EPN2: variants seen among roughly 807,000 people sequenced by gnomAD.
EPN2 encodes the protein epsin-2.
In EPN2, 34 loss-of-function variants were observed where a neutral mutation model predicts 61.7. The observed-to-expected ratio is 0.55, with a 90% CI of 0.42 to 0.73. The LOEUF (loss-of-function observed/expected upper bound fraction) is 0.73, where lower values mean the gene tolerates loss of function less well. Ranked by LOEUF, EPN2 falls within the 30% of genes least tolerant of loss-of-function variation. The pLI, the probability that EPN2 is intolerant of heterozygous loss-of-function variation, is 0.00. For missense variants in EPN2, 714 were observed against 839.2 expected (o/e 0.85, Z 1.84); for synonymous variants, 349 against 353.6 (o/e 0.99, Z 0.15).
chr17:19,330,932 A>AT (rs1907129881), intron 9 of EPN2, among the ~76,000 whole-genome samples: 2 of 152,088 alleles, frequency 1.3e-5, no homozygotes, highest in African/African-American at 4.8e-5. Flanking sequence ...AGCCCAGGAG[A>AT]TTGAGACTGC....
At chr17:19,251,029 C>T (rs1367261746) in intron 1 of EPN2, among the ~76,000 whole-genome samples, 3 of 152,028 alleles carry the variant, frequency 2.0e-5, no homozygotes, top group African/African-American at 7.3e-5. Context: ...GTCTCTTGTC[C>T]CCTCCTTTTC....
chr17:19,311,971 C>A, intron 5 of EPN2, 81 bp from the exon 6 acceptor site: 1 of 881,668 alleles, frequency 1.1e-6, no homozygotes. Flanking sequence ...ATACAATGTG[C>A]ATTTCCTGTT....
intron 7 of EPN2, among the ~76,000 whole-genome samples, chr17:19,327,331 G>A (rs1182904328): frequency 6.6e-6 from 1 of 152,092 alleles, no homozygotes; most frequent in Non-Finnish European, 1.5e-5. Context: ...AGTGAACAAA[G>A]CCAGCCACAA....
At position 19,256,259 on chromosome 17, in the gene EPN2, T is replaced by C. The variant is rs1266152285; in HGVS notation, c.-294+18728T>C. Among the ~76,000 whole-genome samples the C allele has an allele frequency of 5.3e-5, 8 of 151,750 alleles. No homozygotes were observed. The East Asian group carries it at 1.6e-3, about 29-fold the overall frequency. On this transcript the variant is annotated intron_variant, in intron 1 of 10. Transcript: ENST00000314728. Reference sequence around the variant, plus strand: ...GCCCCAGTCCTTCCTGTTGTAATTGTTCTGGGATGGGGCCTGAGCAAAAAT... The same window carrying C: ...GCCCCAGTCCTTCCTGTTGTAATTGCTCTGGGATGGGGCCTGAGCAAAAAT...
chr17:19,249,615 C>G (rs1047947744), intron 1 of EPN2: 9 of 152,380 alleles, frequency 5.9e-5, no homozygotes, highest in African/African-American at 2.2e-4. Context: ...TAGTCCTTGC[C>G]CTTGACTCTG....
At chr17:19,304,332 G>A (rs1201992497) in intron 4 of EPN2, among the ~76,000 whole-genome samples, 1 of 152,138 alleles carries the variant, frequency 6.6e-6, no homozygotes, top group African/African-American at 2.4e-5. Context: ...CATTGAGGAA[G>A]CGTTTCACTG....
At chr17:19,290,641 G>T (rs745425098) in intron 4 of EPN2, among the ~76,000 whole-genome samples, 35 of 130,774 alleles carry the variant, frequency 2.7e-4, no homozygotes, top group Non-Finnish European at 5.1e-4. Flanking sequence ...AGCAAGTCCC[G>T]AGTTGCCTGG....
At chr17:19,333,859 A>G in intron 10 of EPN2, 97 bp from the exon 11 acceptor site, 1 of 1,047,498 alleles carries the variant, frequency 9.5e-7, no homozygotes, top group Non-Finnish European at 1.3e-6. Context: ...CTGAGGGCAC[A>G]GCAGGGACCA....
rs367585211 is a variant in EPN2 at position 19,318,681 on chromosome 17, C to A, written c.1147+5402C>A. ...TTGTTTGTTATTTTAATAGCAGATTCTAAAGGGGAAGCAGGGCCCATAAGA... is the reference window on the plus strand; with the variant it reads ...TTGTTTGTTATTTTAATAGCAGATTATAAAGGGGAAGCAGGGCCCATAAGA... On this transcript the variant is annotated intron_variant, in intron 7 of 10. Coordinates refer to ENST00000314728, the MANE Select transcript of EPN2 (RefSeq NM_014964.5). 1.9e-4 allele frequency among the ~76,000 whole-genome samples: 28 copies of A among 151,002 alleles called. 1 individual carries two copies. Among genetic ancestry groups the A allele is most frequent in the East Asian group, 1.2e-3 (6 of 5,140 alleles).
chr17:19,305,576 A>G (rs182577664), intron 4 of EPN2, among the ~76,000 whole-genome samples: 4 of 152,282 alleles, frequency 2.6e-5, no homozygotes, highest in Admixed American at 2.0e-4. Flanking sequence ...ATAAGAATCA[A>G]TTTCCTGTTT....
At chr17:19,244,315 C>T (rs1203982615) in intron 1 of EPN2, among the ~76,000 whole-genome samples, 1 of 152,080 alleles carries the variant, frequency 6.6e-6, no homozygotes, top group Non-Finnish European at 1.5e-5. Flanking sequence ...AAAAATGAGC[C>T]AGGTGTGGTG....
In EPN2 at chr17:19,335,598, A is replaced by T; in HGVS notation, c.*1344A>T. On this transcript the variant is annotated 3_prime_UTR_variant, in exon 11 of 11. Coordinates refer to ENST00000314728, the MANE Select transcript of EPN2 (RefSeq NM_014964.5). Reference sequence around the variant, plus strand: ...CTGTGCCCACGGGTCCCTGGGCAACAGTCCCTAGGCTAAGACAGGGGTGGG... The same window carrying T: ...CTGTGCCCACGGGTCCCTGGGCAACTGTCCCTAGGCTAAGACAGGGGTGGG... 2 of 861,194 alleles carry T rather than the reference A, an allele frequency of 2.3e-6. No individual in the cohort carries two copies. The highest frequency in any genetic ancestry group is 3.4e-6 in the Non-Finnish European group (2 of 582,304). The allele number at this position is 861,194 out of a possible 1,614,324, so 53.3% of individuals were successfully genotyped here.
chr17:19,289,278 G>A (rs2045436743), intron 4 of EPN2, among the ~76,000 whole-genome samples: 1 of 151,884 alleles, frequency 6.6e-6, no homozygotes, highest in African/African-American at 2.4e-5. Flanking sequence ...TAGAGATGAG[G>A]TTTCATCATG....
intron 7 of EPN2, among the ~76,000 whole-genome samples, chr17:19,328,033 GTTT>G (rs1052815428): frequency 6.6e-6 from 1 of 152,114 alleles, no homozygotes; most frequent in African/African-American, 2.4e-5. Context: ...AGATGTTTTA[GTTT>G]TTTTGTGTGT....
rs1907174813 is a variant in EPN2, at chr17:19,331,898, G to C, written c.1457G>C (p.Ser486Thr). 1 of 1,614,118 alleles carries C rather than the reference G, an allele frequency of 6.2e-7. No individual in the cohort carries two copies. Among genetic ancestry groups the C allele is most frequent in the East Asian group, 2.2e-5 (1 of 44,874 alleles). Residue 486 changes from serine (S) to threonine (T), a missense_variant, in exon 10 of 11, where the codon AGC becomes ACC. By Grantham distance (58) the Ser-to-Thr change is moderately conservative. Transcript: ENST00000314728. ...CCATCCCAAAACAATGGAACTACCA[G>C]CCCTGACCCCTTTGAGTCTCAACCC... ...SLPSQNNGTT[S>T]PDPFESQPLT...
At chr17:19,321,011 A>T (rs536435427) in intron 7 of EPN2, among the ~76,000 whole-genome samples, 10 of 152,310 alleles carry the variant, frequency 6.6e-5, no homozygotes, top group African/African-American at 2.4e-4. Flanking sequence ...CTCATGGAGC[A>T]CATGCTTTGG....
chr17:19,320,228 C>T (rs1359751967), intron 7 of EPN2, among the ~76,000 whole-genome samples: 1 of 152,226 alleles, frequency 6.6e-6, no homozygotes, highest in East Asian at 1.9e-4. Flanking sequence ...TGCCTCTTGC[C>T]CTCTTGCCAT....
intron 4 of EPN2, among the ~76,000 whole-genome samples, chr17:19,304,928 G>T (rs1357365084): frequency 1.3e-5 from 2 of 152,072 alleles, no homozygotes; most frequent in Non-Finnish European, 2.9e-5. Flanking sequence ...TTTCTGAGTT[G>T]TCAGACATGC....
At chr17:19,298,266 C>T (rs555948110) in intron 4 of EPN2, among the ~76,000 whole-genome samples, 1 of 152,306 alleles carries the variant, frequency 6.6e-6, no homozygotes, top group Non-Finnish European at 1.5e-5. Context: ...ACGATTTCTG[C>T]TCACTGCAAC....
Sources: allele counts gnomAD v4.1 joint callset (sites outside exome capture counted in the v4.1 genomes callset), GRCh38; gene constraint gnomAD v4.1.1; transcripts MANE v1.5; gene names NCBI Gene and HGNC (gene_info 2026-07-23, HGNC 2026-07-21).